Variants in TMEM26 observed in about 807,000 individuals in gnomAD.
The protein encoded by TMEM26 is transmembrane protein 26.
TMEM26 carries 38 observed loss-of-function variants against 28.8 expected under a neutral mutation model. That is an observed-to-expected ratio of 1.32 (90% CI 1.02 to 1.73). The LOEUF (loss-of-function observed/expected upper bound fraction) is 1.73. TMEM26 is among the 40% of genes most tolerant of loss of function. The probability of loss-of-function intolerance (pLI) is 0.00; values close to 1 mark genes in which losing one functional copy is unlikely to be tolerated. For missense variants in TMEM26, 518 were observed against 447.1 expected, an observed-to-expected ratio of 1.16 and a Z score of -1.43; for synonymous variants, 227 against 182.9, an observed-to-expected ratio of 1.24 and a Z score of -1.95.
At position 61,428,977 on chromosome 10, in the gene TMEM26, G is replaced by T. The variant is rs749078288; in HGVS notation, c.554C>A (p.Ala185Glu). The change falls in exon 4 of 6, where the codon GCG becomes GAG. Residue 185 changes from alanine (A) to glutamate (E), a missense_variant. Coordinates refer to ENST00000399298, the MANE Select transcript of TMEM26 (RefSeq NM_178505.8). Reference protein sequence around the residue: ...SQLLLMFVGTAADILEFTSET... With the variant: ...SQLLLMFVGTEADILEFTSET... ...ACTTGTGAATTCCAGTATGTCAGCC[G>T]CTGTCCCCACAAACATAAGAAGAAG... 1.2e-6 allele frequency: 2 copies of T among 1,612,984 alleles called. No individual in the cohort carries two copies. The highest frequency in any genetic ancestry group is 8.5e-7 in the Non-Finnish European group (1 of 1,179,416).
At chr10:61,412,807 G>T in intron 5 of TMEM26, 1 of 339,630 alleles carries the variant, frequency 2.9e-6, no homozygotes, top group Non-Finnish European at 5.2e-6. Flanking sequence ...AGCGATGTGT[G>T]GTTGGTGGGT....
chr10:61,423,220 C>CA (rs1017508042), intron 4 of TMEM26, among the ~76,000 whole-genome samples: 7 of 152,032 alleles, frequency 4.6e-5, no homozygotes, highest in Admixed American at 3.3e-4. Flanking sequence ...AATCTTCCCA[C>CA]AAAATAAACT....
intron 1 of TMEM26, among the ~76,000 whole-genome samples, chr10:61,448,078 C>T (rs17273933): frequency 0.018 from 2,811 of 152,376 alleles, 40 homozygotes; most frequent in South Asian, 0.028. Context: ...GTAGATGTTC[C>T]GTACACTGTT....
chr10:61,412,891 T>C, intron 5 of TMEM26: 1 of 1,267,930 alleles, frequency 7.9e-7, no homozygotes, highest in Non-Finnish European at 1.0e-6. Context: ...TCTTGCAAAA[T>C]CTTAGGGGTT....
At chr10:61,414,289 G>A (rs1839615656) in intron 4 of TMEM26, 1 of 153,496 alleles carries the variant, frequency 6.5e-6, no homozygotes, top group Admixed American at 6.6e-5. Context: ...ATATTAAACA[G>A]GGTCACATTT....
chr10:61,432,196 A>G (rs571398160), intron 2 of TMEM26, among the ~76,000 whole-genome samples: 1 of 152,178 alleles, frequency 6.6e-6, no homozygotes, highest in East Asian at 1.9e-4. Context: ...TAAGTAAATA[A>G]TCCAATCATT....
At chr10:61,435,089 A>G (rs1258385747) in intron 2 of TMEM26, among the ~76,000 whole-genome samples, 1 of 152,190 alleles carries the variant, frequency 6.6e-6, no homozygotes, top group African/African-American at 2.4e-5. Flanking sequence ...ACAGCAGTAT[A>G]TGACTGCACT....
chr10:61,424,745 A>C (rs769793975), intron 4 of TMEM26, among the ~76,000 whole-genome samples: 2 of 152,220 alleles, frequency 1.3e-5, no homozygotes, highest in Non-Finnish European at 2.9e-5. Context: ...GGAACACAAC[A>C]GAAAGTCCAG....
At chr10:61,436,648 A>C (rs1840013282) in intron 1 of TMEM26, among the ~76,000 whole-genome samples, 1 of 152,214 alleles carries the variant, frequency 6.6e-6, no homozygotes, top group South Asian at 2.1e-4. Flanking sequence ...CAATTTCAAG[A>C]TATGGCTACA....
intron 4 of TMEM26, chr10:61,415,100 A>G: frequency 1.2e-5 from 12 of 985,340 alleles, no homozygotes; most frequent in Non-Finnish European, 1.3e-5. Context: ...GAACGTGGAT[A>G]GAAAACCAGT....
rs1361871530 is a variant in TMEM26 at position 61,410,723 on chromosome 10, A to G, written c.706T>C (p.Ser236Pro). Residue 236 changes from serine (S) to proline (P), a missense_variant, in exon 6 of 6, where the codon TCT becomes CCT. Coordinates refer to ENST00000399298, the MANE Select transcript of TMEM26 (RefSeq NM_178505.8). ...LAVQNVVCPV[S>P]VTERGFPSLF... ...CTGGGGAATCCCCTCTCTGTCACAG[A>G]CACAGGGCACACAACGTTCTGTACT... The G allele has an allele frequency of 6.2e-7, 1 of 1,614,066 alleles. No homozygotes were observed. Among genetic ancestry groups the G allele is most frequent in the East Asian group, 2.2e-5 (1 of 44,866 alleles).
intron 1 of TMEM26, among the ~76,000 whole-genome samples, chr10:61,449,360 A>AC (rs1201550372): frequency 1.3e-5 from 2 of 152,198 alleles, no homozygotes; most frequent in African/African-American, 4.8e-5. Flanking sequence ...AACAAATCAA[A>AC]CCTCTCCAAC....
At chr10:61,413,271 C>T (rs1489089921) in intron 5 of TMEM26, among the ~76,000 whole-genome samples, 188 bp downstream of exon 5, 2 of 152,108 alleles carry the variant, frequency 1.3e-5, no homozygotes, top group Non-Finnish European at 2.9e-5. Flanking sequence ...CTTAAGCTCA[C>T]CGTGTACCAC....
chr10:61,451,855 G>T (rs1183274102), intron 1 of TMEM26, among the ~76,000 whole-genome samples: 1 of 152,132 alleles, frequency 6.6e-6, no homozygotes, highest in Non-Finnish European at 1.5e-5. Flanking sequence ...TTGTAGTTTA[G>T]TATGTAAAAC....
chr10:61,413,417 G>A (rs1194743396), intron 5 of TMEM26, 42 bp downstream of exon 5: 1 of 1,599,568 alleles, frequency 6.3e-7, no homozygotes, highest in Non-Finnish European at 8.5e-7. Flanking sequence ...TAATCAAGAG[G>A]TGTAATTTTC....
At position 61,410,323 on chromosome 10, in the gene TMEM26, T is replaced by G; in HGVS notation, c.1106A>C (p.Ter369SerextTer38). 6.2e-7 allele frequency: 1 copy of G among 1,607,160 alleles called. No homozygotes were observed. Among genetic ancestry groups the G allele is most frequent in the Non-Finnish European group, 8.5e-7 (1 of 1,175,568 alleles). ...VTSDDSHHTP* is the reference protein window; with the variant it reads ...VTSDDSHHTPS ...CCGCAGACCACTGTCAATCAATAAC[T>G]AAGGGGTGTGGTGGGAGTCGTCGGA... is the stretch of plus-strand genomic sequence containing the variant. Residue 369 changes from the stop codon to serine, a stop_lost, in exon 6 of 6, where the codon TAG becomes TCG. Transcript: ENST00000399298.
At chr10:61,415,710 C>G (rs1446101134) in intron 4 of TMEM26, among the ~76,000 whole-genome samples, 1 of 151,978 alleles carries the variant, frequency 6.6e-6, no homozygotes, top group Non-Finnish European at 1.5e-5. Context: ...GAAACGGAAA[C>G]TTTTAGGTCT....
At chr10:61,435,274 G>A (rs1452283997) in intron 2 of TMEM26, among the ~76,000 whole-genome samples, 10 of 152,066 alleles carry the variant, frequency 6.6e-5, no homozygotes, top group South Asian at 2.1e-4. Context: ...CTCCACCTCC[G>A]GGTTCAAGTG....
chr10:61,410,496 G>C lies in TMEM26; in HGVS notation c.933C>G (p.Val311=). The change falls in exon 6 of 6, where the codon GTC becomes GTG. Residue 311 remains valine (V), a synonymous_variant. Coordinates refer to ENST00000399298, the MANE Select transcript of TMEM26 (RefSeq NM_178505.8). ...CTGACTGACTTCTCAACGAAGCACG[G>C]ACTGCCAATGCCAGCACCACCAAGC... is the stretch of plus-strand genomic sequence containing the variant. ...LYRLVVLALA[V]RASLRSQSEG... is the part of the protein sequence containing the mutation. 2 of 1,614,082 alleles carry C rather than the reference G, an allele frequency of 1.2e-6. No individual in the cohort carries two copies. The highest frequency in any genetic ancestry group is 1.7e-6 in the Non-Finnish European group (2 of 1,180,018).
Sources: allele counts gnomAD v4.1 joint callset (sites outside exome capture counted in the v4.1 genomes callset), GRCh38; gene constraint gnomAD v4.1.1; transcripts MANE v1.5; gene names NCBI Gene and HGNC (gene_info 2026-07-23, HGNC 2026-07-21).